CNTNAP4: variants seen among roughly 807,000 people sequenced by gnomAD.
The protein encoded by CNTNAP4 is contactin associated protein family member 4, also known as contactin-associated protein-like 4.
In CNTNAP4, 98 loss-of-function variants were observed where a neutral mutation model predicts 148.4. The observed-to-expected ratio is 0.66, with a 90% confidence interval of 0.56 to 0.78. CNTNAP4 has a LOEUF of 0.78. CNTNAP4 is among the 30% of genes least tolerant of loss of function. The pLI is 0.00. For missense variants in CNTNAP4, 1,935 were observed against 1,565.6 expected, an observed-to-expected ratio of 1.24 and a Z score of -3.98; for synonymous variants, 730 against 565.1, an observed-to-expected ratio of 1.29 and a Z score of -4.14.
intron 11 of CNTNAP4, 26 bp from the exon 12 acceptor site, chr16:76,479,393 A>G: frequency 1.3e-6 from 2 of 1,558,288 alleles, no homozygotes; most frequent in Non-Finnish European, 1.7e-6. Flanking sequence ...ATGCTATTCC[A>G]TTAATGATGA....
intron 2 of CNTNAP4, among the ~76,000 whole-genome samples, chr16:76,334,200 A>AATG (rs1963816530): frequency 6.9e-6 from 1 of 144,336 alleles, no homozygotes; most frequent in Admixed American, 6.9e-5. Flanking sequence ...TAATAATAAT[A>AATG]ATAAACAGCC....
intron 1 of CNTNAP4, among the ~76,000 whole-genome samples, chr16:76,314,163 A>G (rs80018491): frequency 6.6e-6 from 1 of 152,218 alleles, no homozygotes; most frequent in Non-Finnish European, 1.5e-5. Flanking sequence ...ACATTGATAC[A>G]TATGTAAATG....
At chr16:76,399,985 G>T (rs1038708178) in intron 3 of CNTNAP4, among the ~76,000 whole-genome samples, 1 of 152,128 alleles carries the variant, frequency 6.6e-6, no homozygotes, top group African/African-American at 2.4e-5. Flanking sequence ...AAATGTAAAA[G>T]ATTAATTATT....
At chr16:76,416,195 C>A (rs1568076194) in intron 3 of CNTNAP4, among the ~76,000 whole-genome samples, 1 of 151,272 alleles carries the variant, frequency 6.6e-6, no homozygotes, top group Non-Finnish European at 1.5e-5. Context: ...TCAATCTTAG[C>A]AAACTTTTGA....
intron 3 of CNTNAP4, among the ~76,000 whole-genome samples, chr16:76,380,616 G>A (rs1003717941): frequency 6.6e-6 from 1 of 152,088 alleles, no homozygotes; most frequent in African/African-American, 2.4e-5. Flanking sequence ...AAATGTGATC[G>A]GGGGAGTGGT....
chr16:76,555,423 G>C (rs565083102), intron 23 of CNTNAP4, among the ~76,000 whole-genome samples: 2 of 152,116 alleles, frequency 1.3e-5, no homozygotes, highest in African/African-American at 2.4e-5. Flanking sequence ...AAAGAAACAC[G>C]TTATACAGTA....
At chr16:76,413,329 A>G (rs1286260900) in intron 3 of CNTNAP4, among the ~76,000 whole-genome samples, 1 of 150,998 alleles carries the variant, frequency 6.6e-6, no homozygotes, top group African/African-American at 2.4e-5. Flanking sequence ...TGATTTTTAG[A>G]TTTTTCTTTT....
At chr16:76,395,804 C>T (rs1364287861) in intron 3 of CNTNAP4, among the ~76,000 whole-genome samples, 1 of 151,560 alleles carries the variant, frequency 6.6e-6, no homozygotes, top group Non-Finnish European at 1.5e-5. Context: ...TCTCAGCTCA[C>T]TGTAACTTCC....
intron 16 of CNTNAP4, 83 bp downstream of exon 16, chr16:76,521,393 G>C: frequency 9.0e-7 from 1 of 1,109,716 alleles, no homozygotes; most frequent in Non-Finnish European, 1.3e-6. Context: ...CTACTCATGT[G>C]TCTACTTTAT....
chr16:76,291,327 A>G (rs770857002), intron 1 of CNTNAP4, among the ~76,000 whole-genome samples: 4 of 152,150 alleles, frequency 2.6e-5, no homozygotes, highest in Non-Finnish European at 5.9e-5. Context: ...TGCCGAGATC[A>G]ATGGCATGGC....
intron 21 of CNTNAP4, among the ~76,000 whole-genome samples, chr16:76,548,295 C>CATTTTTTTTTTTTTTTTTTTT (rs759580311): frequency 3.2e-5 from 3 of 92,908 alleles, no homozygotes; most frequent in Admixed American, 1.3e-4. Flanking sequence ...TTCACTGCAC[C>CATTTTTTTTTTTTTTTTTTTT]TTTTTTTTTT....
intron 3 of CNTNAP4, among the ~76,000 whole-genome samples, chr16:76,405,572 A>G (rs1448739046): frequency 7.0e-6 from 1 of 143,360 alleles, no homozygotes; most frequent in Non-Finnish European, 1.5e-5. Context: ...AGAAAATCAT[A>G]AGGAAGAGAA....
chr16:76,335,856 G>C (rs1963978633), intron 2 of CNTNAP4, among the ~76,000 whole-genome samples: 2 of 152,082 alleles, frequency 1.3e-5, no homozygotes, highest in Non-Finnish European at 2.9e-5. Context: ...ACCTGGGATG[G>C]GTGTGAGATA....
At chr16:76,441,447 G>C (rs1466753423) in intron 4 of CNTNAP4, among the ~76,000 whole-genome samples, 1 of 152,144 alleles carries the variant, frequency 6.6e-6, no homozygotes, top group African/African-American at 2.4e-5. Flanking sequence ...TACGGGCACA[G>C]GGAGAATTGA....
intron 4 of CNTNAP4, among the ~76,000 whole-genome samples, chr16:76,435,712 A>G (rs2079798956): frequency 6.6e-6 from 1 of 152,060 alleles, no homozygotes; most frequent in African/African-American, 2.4e-5. Context: ...TCCTTTCTCT[A>G]CATTAACCCA....
chr16:76,538,374 A>C (rs758202964), intron 19 of CNTNAP4, 34 bp downstream of exon 19: 1 of 1,432,242 alleles, frequency 7.0e-7, no homozygotes, highest in Non-Finnish European at 9.8e-7. Context: ...GAGAAAATTA[A>C]ATTAGAACAC....
At chr16:76,404,084 A>T (rs115402532) in intron 3 of CNTNAP4, among the ~76,000 whole-genome samples, 1 of 152,156 alleles carries the variant, frequency 6.6e-6, no homozygotes, top group Non-Finnish European at 1.5e-5. Flanking sequence ...AGAAAAATTA[A>T]CTATTGGGTA....
At chr16:76,285,667 C>T (rs536431561) in intron 1 of CNTNAP4, among the ~76,000 whole-genome samples, 1 of 152,110 alleles carries the variant, frequency 6.6e-6, no homozygotes, top group South Asian at 2.1e-4. Flanking sequence ...TATAAATTCA[C>T]CTGCCTTCCT....
At chr16:76,459,841 C>T (rs1293541056) in intron 8 of CNTNAP4, among the ~76,000 whole-genome samples, 1 of 152,190 alleles carries the variant, frequency 6.6e-6, no homozygotes, top group Non-Finnish European at 1.5e-5. Context: ...CATTTAGCTA[C>T]ACAGCTCCTT....
Sources: allele counts gnomAD v4.1 joint callset (sites outside exome capture counted in the v4.1 genomes callset), GRCh38; gene constraint gnomAD v4.1.1; transcripts MANE v1.5; gene names NCBI Gene and HGNC (gene_info 2026-07-23, HGNC 2026-07-21).